SDC4: variants seen among roughly 807,000 people sequenced by gnomAD.
The protein encoded by SDC4 is syndecan-4.
In SDC4, 17 loss-of-function variants were observed where a neutral mutation model predicts 20.5. The observed-to-expected ratio is 0.83, with a 90% confidence interval of 0.57 to 1.25. SDC4 has a LOEUF of 1.25. SDC4 is among the 50% of genes most tolerant of loss of function. The pLI, the probability that SDC4 is intolerant of heterozygous loss-of-function variation, is 0.00. For missense variants in SDC4, 241 were observed against 252.3 expected, an observed-to-expected ratio of 0.96 and a Z score of 0.30; for synonymous variants, 107 against 105.3, an observed-to-expected ratio of 1.02 and a Z score of -0.10.
rs141488868 is a variant in SDC4, at chr20:45,335,849, G to A, written c.132C>T (p.Asp44=). The A allele has an allele frequency of 1.2e-4, 197 of 1,614,022 alleles. No homozygotes were observed. The highest frequency in any genetic ancestry group is 1.6e-4 in the Non-Finnish European group (183 of 1,179,990). Residue 44 remains aspartate (D), a synonymous_variant, in exon 2 of 5, where the codon GAC becomes GAT. Coordinates refer to ENST00000372733, the MANE Select transcript of SDC4 (RefSeq NM_002999.4). ...GCCCGGGCCCCACTACATCCTCATC[G>A]TCTGGTAGGGCTCCGGAGAAGTATC... ...EGRYFSGALP[D]DEDVVGPGQE... is the part of the protein sequence containing the mutation.
chr20:45,340,421 C>A (rs1008733337), intron 1 of SDC4, among the ~76,000 whole-genome samples: 2 of 152,204 alleles, frequency 1.3e-5, no homozygotes, highest in African/African-American at 4.8e-5. Flanking sequence ...TCCAGATCTT[C>A]CTCAAGAACA....
intron 4 of SDC4, among the ~76,000 whole-genome samples, chr20:45,328,687 A>C (rs1987731497): frequency 6.6e-6 from 1 of 152,118 alleles, no homozygotes; most frequent in South Asian, 2.1e-4. Flanking sequence ...GAGTTCCCTA[A>C]TTCGGTCTTA....
chr20:45,338,556 T>C (rs577642747), intron 1 of SDC4, among the ~76,000 whole-genome samples: 43 of 152,254 alleles, frequency 2.8e-4, no homozygotes, highest in African/African-American at 1.0e-3. Context: ...TTTCAGTATG[T>C]GAAAGTGCTA....
At chr20:45,336,274 G>T (rs780514763) in intron 1 of SDC4, among the ~76,000 whole-genome samples, 5 of 152,250 alleles carry the variant, frequency 3.3e-5, no homozygotes, top group African/African-American at 1.2e-4. Flanking sequence ...TCAGCTGGGC[G>T]TGGTGGCTTA....
chr20:45,342,829 C>G (rs1448879586), intron 1 of SDC4, among the ~76,000 whole-genome samples: 1 of 152,148 alleles, frequency 6.6e-6, no homozygotes, highest in Non-Finnish European at 1.5e-5. Flanking sequence ...AACTGTAACT[C>G]TTAGTTTACA....
chr20:45,345,684 C>A (rs1294949516), intron 1 of SDC4: 2 of 152,242 alleles, frequency 1.3e-5, no homozygotes, highest in African/African-American at 4.8e-5. Flanking sequence ...GGGCCCGGGG[C>A]CAAGTCAGTA....
Position 45,327,180 on chromosome 20 carries a change from C to A in SDC4, c.*84G>T. 6.8e-7 allele frequency: 1 copy of A among 1,468,290 alleles called. No homozygotes were observed. The highest frequency in any genetic ancestry group is 9.5e-7 in the Non-Finnish European group (1 of 1,057,454). The allele number at this position is 1,468,290 out of a possible 1,614,324, so 91.0% of individuals were successfully genotyped here. On this transcript the variant is annotated 3_prime_UTR_variant, in exon 5 of 5. Coordinates refer to ENST00000372733, the MANE Select transcript of SDC4 (RefSeq NM_002999.4). ...TACTGACAAGTCAGTATTAGGTTGACCTCACCCTACCCTAATGTCCACCCT... is the reference window on the plus strand; with the variant it reads ...TACTGACAAGTCAGTATTAGGTTGAACTCACCCTACCCTAATGTCCACCCT...
rs766212058 is a variant in SDC4, at chr20:45,328,541, C to T, written c.446-1126G>A. 8.1e-4 allele frequency among the ~76,000 whole-genome samples: 124 copies of T among 152,248 alleles called. 1 individual carries two copies. The highest frequency in any genetic ancestry group is 2.8e-3 in the African/African-American group (115 of 41,550). On this transcript the variant is annotated intron_variant, in intron 4 of 4. Coordinates refer to ENST00000372733, the MANE Select transcript of SDC4 (RefSeq NM_002999.4). ...ATACTTTCAGGCTCCGAGAGGAGAA[C>T]CTGCCTAGTGTTGGGCAGAGATGGG...
intron 4 of SDC4, 99 bp downstream of exon 4, chr20:45,330,267 A>G: frequency 9.3e-7 from 1 of 1,081,050 alleles, no homozygotes; most frequent in Non-Finnish European, 1.4e-6. Context: ...AGGGGCACCA[A>G]GGAGCCTCAT....
intron 1 of SDC4, among the ~76,000 whole-genome samples, chr20:45,347,555 G>T (rs757608172): frequency 1.3e-5 from 2 of 152,082 alleles, no homozygotes; most frequent in Non-Finnish European, 2.9e-5. Flanking sequence ...CACTCAAGGT[G>T]GATGCTTCAA....
At chr20:45,336,522 G>A (rs1174337460) in intron 1 of SDC4, among the ~76,000 whole-genome samples, 1 of 152,146 alleles carries the variant, frequency 6.6e-6, no homozygotes, top group Non-Finnish European at 1.5e-5. Context: ...AACTCTGGAG[G>A]CATGTTATTC....
intron 1 of SDC4, among the ~76,000 whole-genome samples, chr20:45,344,465 T>C (rs866133411): frequency 1.4e-4 from 22 of 152,260 alleles, no homozygotes; most frequent in African/African-American, 5.3e-4. Flanking sequence ...GTCCAGCCCC[T>C]TACCCCAATT....
chr20:45,341,466 G>A (rs982319925), intron 1 of SDC4, among the ~76,000 whole-genome samples: 1 of 152,210 alleles, frequency 6.6e-6, no homozygotes, highest in Non-Finnish European at 1.5e-5. Context: ...CAGAGGTAAA[G>A]ACCATTTTTA....
At chr20:45,344,149 A>G (rs975298040) in intron 1 of SDC4, among the ~76,000 whole-genome samples, 4 of 152,196 alleles carry the variant, frequency 2.6e-5, no homozygotes, top group Admixed American at 2.0e-4. Flanking sequence ...GTTTTGCCTT[A>G]AAGAGGAAAA....
At chr20:45,341,814 A>G (rs950501774) in intron 1 of SDC4, among the ~76,000 whole-genome samples, 1 of 152,166 alleles carries the variant, frequency 6.6e-6, no homozygotes, top group Non-Finnish European at 1.5e-5. Context: ...TGCCAGCTAG[A>G]AATGGGGGAA....
chr20:45,329,669 G>A (rs1396771243), intron 4 of SDC4, among the ~76,000 whole-genome samples: 2 of 152,218 alleles, frequency 1.3e-5, no homozygotes, highest in African/African-American at 4.8e-5. Flanking sequence ...TGGGCCCAGG[G>A]TGCCCACTTG....
chr20:45,328,495 A>G (rs1987728736), intron 4 of SDC4, among the ~76,000 whole-genome samples: 1 of 152,224 alleles, frequency 6.6e-6, no homozygotes, highest in Admixed American at 6.5e-5. Context: ...GGTGTGCACA[A>G]CAGGAGGTGC....
intron 1 of SDC4, among the ~76,000 whole-genome samples, chr20:45,336,408 C>T (rs533945261): frequency 5.8e-4 from 88 of 151,766 alleles, no homozygotes; most frequent in Non-Finnish European, 1.1e-3. Flanking sequence ...GTGGGACCCC[C>T]GTCTCAAAAA....
intron 3 of SDC4, among the ~76,000 whole-genome samples, chr20:45,331,284 C>T (rs971215411): frequency 6.6e-6 from 1 of 152,192 alleles, no homozygotes; most frequent in African/African-American, 2.4e-5. Context: ...CTGAACCCCT[C>T]TCTACCATGG....
Sources: gnomAD v4.1 joint callset for allele counts (sites outside exome capture counted in the v4.1 genomes callset) on GRCh38, gnomAD v4.1.1 for gene constraint, MANE v1.5 for transcripts, NCBI Gene and HGNC (gene_info 2026-07-23, HGNC 2026-07-21) for gene names.